NCKAP5: variants seen among roughly 807,000 people sequenced by gnomAD.
NCKAP5 encodes nck-associated protein 5.
Under a neutral mutation model 167.0 loss-of-function variants are expected in NCKAP5, and 92 were observed. The observed-to-expected ratio is 0.55, with a 90% confidence interval of 0.47 to 0.66. The LOEUF is 0.66. Ranked by LOEUF, NCKAP5 falls within the 30% of genes least tolerant of loss-of-function variation. NCKAP5 has a pLI of 0.00. For missense variants in NCKAP5, 2,378 were observed against 2,315.0 expected, an observed-to-expected ratio of 1.03 and a Z score of -0.56; for synonymous variants, 891 against 877.4, an observed-to-expected ratio of 1.02 and a Z score of -0.27.
chr2:133,306,089 TA>T (rs1430850784), intron 3 of NCKAP5, among the ~76,000 whole-genome samples: 5 of 152,248 alleles, frequency 3.3e-5, no homozygotes, highest in Admixed American at 1.3e-4. Context: ...GGATTACTCC[TA>T]GGGGGAATTT....
chr2:132,938,927 G>A (rs998929262), intron 8 of NCKAP5, among the ~76,000 whole-genome samples: 2 of 152,074 alleles, frequency 1.3e-5, no homozygotes, highest in Non-Finnish European at 2.9e-5. Flanking sequence ...AAGTACAGCT[G>A]CAACATTCAA....
At chr2:133,284,144 T>G (rs546357811) in intron 4 of NCKAP5, among the ~76,000 whole-genome samples, 1 of 151,474 alleles carries the variant, frequency 6.6e-6, no homozygotes, top group South Asian at 2.1e-4. Flanking sequence ...AGGTGAATGA[T>G]GCCTATAAGA....
the NCKAP5 span, among the ~76,000 whole-genome samples, chr2:133,611,996 A>C: frequency 6.6e-6 from 1 of 152,170 alleles, no homozygotes; most frequent in East Asian, 1.9e-4. Flanking sequence ...TTTCAACATA[A>C]TTCTATGGTC....
At chr2:133,385,092 G>A (rs1244637187) in intron 3 of NCKAP5, among the ~76,000 whole-genome samples, 3 of 152,178 alleles carry the variant, frequency 2.0e-5, no homozygotes, top group African/African-American at 4.8e-5. Flanking sequence ...TGTTGAATAG[G>A]AGTGGTGAGA....
intron 8 of NCKAP5, 73 bp from the exon 9 acceptor site, chr2:132,878,989 G>C: frequency 8.5e-7 from 1 of 1,172,914 alleles, no homozygotes; most frequent in Non-Finnish European, 1.3e-6. Context: ...ATTCCATACA[G>C]TTACTAAATA....
At chr2:132,723,248 C>T (rs1257430505) in intron 19 of NCKAP5, among the ~76,000 whole-genome samples, 1 of 150,422 alleles carries the variant, frequency 6.6e-6, no homozygotes, top group African/African-American at 2.5e-5. Flanking sequence ...CAGGTTCATG[C>T]CATTCTCCTG....
intron 7 of NCKAP5, among the ~76,000 whole-genome samples, chr2:132,972,296 T>C (rs2076857931): frequency 6.6e-6 from 1 of 152,176 alleles, no homozygotes; most frequent in Non-Finnish European, 1.5e-5. Flanking sequence ...TTCCTTTTCA[T>C]AGAAGCAGAT....
At position 133,345,407 on chromosome 2, in the gene NCKAP5, A is replaced by G. The variant is rs140541570; in HGVS notation, c.70-42297T>C. On this transcript the variant is annotated intron_variant, in intron 3 of 19. Transcript: ENST00000409261. ...TTAAAATCCATGTTAATACTTACTA[A>G]CAAACTAATAGAGATTTCCCACCTG... 2.7e-3 allele frequency among the ~76,000 whole-genome samples: 405 copies of G among 152,332 alleles called. 3 individuals are homozygous for G. The highest frequency in any genetic ancestry group is 0.01 in the Middle Eastern group (3 of 294).
intron 6 of NCKAP5, among the ~76,000 whole-genome samples, chr2:133,004,083 T>A (rs1301169466): frequency 6.6e-6 from 1 of 152,220 alleles, no homozygotes; most frequent in African/African-American, 2.4e-5. Context: ...ATTGCATTTA[T>A]GGATTCATGT....
intron 7 of NCKAP5, among the ~76,000 whole-genome samples, chr2:132,976,982 A>C (rs2076995846): frequency 6.6e-6 from 1 of 152,228 alleles, no homozygotes; most frequent in African/African-American, 2.4e-5. Context: ...CTATAAAGAA[A>C]GAATTCTTTC....
intron 19 of NCKAP5, among the ~76,000 whole-genome samples, chr2:132,693,180 C>T (rs2709544): frequency 0.4 from 61,456 of 152,036 alleles, 14,087 homozygotes; most frequent in East Asian, 0.55. Flanking sequence ...TTCTTGGCTT[C>T]ACGTACTCTC....
chr2:133,450,225 A>G (rs925458739), intron 3 of NCKAP5, among the ~76,000 whole-genome samples: 1 of 152,108 alleles, frequency 6.6e-6, no homozygotes, highest in Admixed American at 6.5e-5. Context: ...TCTCCAGGCT[A>G]ATCTTCCCTG....
the NCKAP5 span, among the ~76,000 whole-genome samples, chr2:133,639,704 T>C: frequency 2.0e-5 from 3 of 152,078 alleles, no homozygotes; most frequent in Non-Finnish European, 4.4e-5. Context: ...TCAGTGCATC[T>C]CAAAGCCCTT....
At chr2:133,113,816 G>A (rs1269984523) in intron 6 of NCKAP5, among the ~76,000 whole-genome samples, 1 of 152,170 alleles carries the variant, frequency 6.6e-6, no homozygotes, top group Non-Finnish European at 1.5e-5. Flanking sequence ...GGCCCTTAGT[G>A]GTAATGGGAA....
intron 6 of NCKAP5, among the ~76,000 whole-genome samples, chr2:133,089,973 T>G (rs1019527016): frequency 1.3e-5 from 2 of 152,176 alleles, no homozygotes; most frequent in Non-Finnish European, 2.9e-5. Context: ...GCTTAGAATC[T>G]TCCCAGGTGT....
intron 11 of NCKAP5, among the ~76,000 whole-genome samples, chr2:132,819,928 T>C (rs952082890): frequency 1.3e-5 from 2 of 152,186 alleles, no homozygotes; most frequent in Non-Finnish European, 1.5e-5. Context: ...CTTGAAAGAT[T>C]TGAGCTGCAT....
chr2:133,047,372 T>C (rs148030913), intron 6 of NCKAP5, among the ~76,000 whole-genome samples: 2 of 152,324 alleles, frequency 1.3e-5, no homozygotes, highest in East Asian at 1.9e-4. Flanking sequence ...TGAATAGTCA[T>C]TAACGTTGCC....
intron 8 of NCKAP5, among the ~76,000 whole-genome samples, chr2:132,885,806 CTTTGTATACTATAAA>C (rs1692169617): frequency 6.6e-6 from 1 of 152,176 alleles, no homozygotes; most frequent in Non-Finnish European, 1.5e-5. Flanking sequence ...TGTTTAAAAT[CTTTGTATACTATAAA>C]TTTGTTTAAT....
chr2:133,333,291 A>G (rs1383231261), intron 3 of NCKAP5, among the ~76,000 whole-genome samples: 1 of 152,200 alleles, frequency 6.6e-6, no homozygotes, highest in Non-Finnish European at 1.5e-5. Context: ...TCTTTTTTAG[A>G]TAAATCCCAG....
Sources: allele counts gnomAD v4.1 joint callset (sites outside exome capture counted in the v4.1 genomes callset), GRCh38; gene constraint gnomAD v4.1.1; transcripts MANE v1.5; gene names NCBI Gene and HGNC (gene_info 2026-07-23, HGNC 2026-07-21).